GPR89B: variants seen among roughly 807,000 people sequenced by gnomAD.
GPR89B encodes the protein G protein-coupled receptor 89B.
GPR89B carries 25 observed loss-of-function variants against 52.4 expected under a neutral mutation model. The observed-to-expected ratio is 0.48, with a 90% confidence interval of 0.35 to 0.67. GPR89B has a LOEUF of 0.67. Among genes scored for constraint, GPR89B ranks in the 30% least tolerant of loss-of-function variants. The pLI is 0.01. For synonymous variants in GPR89B, 52 were observed against 151.2 expected (o/e 0.34, Z 4.81); for missense variants, 146 against 450.2 (o/e 0.32, Z 6.11).
At chr1:147,944,831 A>G (rs1442861941) in intron 5 of GPR89B, among the ~76,000 whole-genome samples, 1 of 149,278 alleles carries the variant, frequency 6.7e-6, no homozygotes, top group Admixed American at 6.7e-5. Flanking sequence ...GAATCTATCT[A>G]AAAAGATTAG....
the GPR89B span, chr1:148,025,755 ATC>A: frequency 7.1e-6 from 1 of 140,718 alleles, no homozygotes; most frequent in African/African-American, 2.8e-5. Context: ...GCATCAAAGA[ATC>A]TCTCTCTTTC....
At chr1:147,951,367 A>G (rs1346166595) in intron 5 of GPR89B, among the ~76,000 whole-genome samples, 9 of 152,160 alleles carry the variant, frequency 5.9e-5, no homozygotes, top group Admixed American at 5.2e-4. Context: ...TACTAGTGAA[A>G]GTAATTTCAT....
At chr1:148,025,523 CAAAAAAAAAAA>C in the GPR89B span, among the ~76,000 whole-genome samples, 280 of 29,656 alleles carry the variant, frequency 9.4e-3, 2 homozygotes, top group South Asian at 0.04. Flanking sequence ...AACTCTGTCT[CAAAAAAAAAAA>C]AAAAAAAAAA....
At chr1:148,006,452 C>A in the GPR89B span, among the ~76,000 whole-genome samples, 3 of 152,026 alleles carry the variant, frequency 2.0e-5, no homozygotes, top group African/African-American at 7.3e-5. Flanking sequence ...GCTGTCAATT[C>A]TTCAAAGATA....
At chr1:148,013,876 G>C in the GPR89B span, among the ~76,000 whole-genome samples, 3 of 152,020 alleles carry the variant, frequency 2.0e-5, no homozygotes, top group East Asian at 5.8e-4. Context: ...GGAGGAGGCC[G>C]GTTGAGATAT....
chr1:147,932,967 G>A (rs1385058983), intron 1 of GPR89B, among the ~76,000 whole-genome samples: 1 of 152,032 alleles, frequency 6.6e-6, no homozygotes, highest in Non-Finnish European at 1.5e-5. Context: ...ATCTTTCTCT[G>A]TGAAAATAGG....
intron 3 of GPR89B, among the ~76,000 whole-genome samples, chr1:147,943,204 A>G (rs1261957318): frequency 2.0e-5 from 3 of 151,568 alleles, no homozygotes; most frequent in African/African-American, 7.3e-5. Context: ...AAACATAAAC[A>G]TTCTTATTTT....
rs782255961 is a variant in GPR89B at position 147,928,535 on chromosome 1, C to T, written c.-2C>T. The T allele has an allele frequency of 2.5e-6, 4 of 1,613,792 alleles. No homozygotes were observed. The South Asian group carries it at 4.4e-5, about 18-fold the overall frequency. ...AGGCAGGAGCCTTCCTTACACTTCG[C>T]CATGAGTTTCCTGATCGACTCCAGC... On this transcript the variant is annotated 5_prime_UTR_variant, in exon 1 of 14. Coordinates refer to ENST00000314163, the MANE Select transcript of GPR89B (RefSeq NM_016334.5).
intron 10 of GPR89B, among the ~76,000 whole-genome samples, chr1:147,984,324 T>G (rs1289647210): frequency 6.6e-6 from 1 of 150,684 alleles, no homozygotes; most frequent in Admixed American, 6.6e-5. Flanking sequence ...ACTTAAAGTA[T>G]AATAATAATA....
the GPR89B span, chr1:148,009,494 T>C: frequency 6.3e-7 from 1 of 1,598,112 alleles, no homozygotes; most frequent in South Asian, 1.1e-5. Context: ...GACCCAACTC[T>C]TTCAAGTCCA....
intron 1 of GPR89B, among the ~76,000 whole-genome samples, chr1:147,930,141 A>C (rs1218392365): frequency 6.6e-6 from 1 of 152,240 alleles, no homozygotes; most frequent in Non-Finnish European, 1.5e-5. Context: ...ATGCCTTATA[A>C]TCATAGACTT....
intron 5 of GPR89B, among the ~76,000 whole-genome samples, chr1:147,949,984 C>A (rs1406095077): frequency 6.9e-6 from 1 of 145,044 alleles, no homozygotes; most frequent in Non-Finnish European, 1.5e-5. Flanking sequence ...CTGACCCCCC[C>A]ACCTCCCTCC....
intron 1 of GPR89B, among the ~76,000 whole-genome samples, chr1:147,931,553 C>G (rs587629574): frequency 6.6e-6 from 1 of 151,204 alleles, no homozygotes; most frequent in South Asian, 2.1e-4. Flanking sequence ...ATGAATTCTC[C>G]AGCTACTTGT....
chr1:147,962,909 T>A (rs1571279495), intron 7 of GPR89B, among the ~76,000 whole-genome samples: 12 of 136,916 alleles, frequency 8.8e-5, no homozygotes, highest in African/African-American at 8.2e-5. Flanking sequence ...AAAAAAAAAA[T>A]TAAAACAGAT....
intron 1 of GPR89B, among the ~76,000 whole-genome samples, chr1:147,934,536 G>T (rs1653921638): frequency 6.6e-6 from 1 of 152,120 alleles, no homozygotes; most frequent in South Asian, 2.1e-4. Flanking sequence ...CTTTGACTGT[G>T]TGATGAATAC....
At chr1:147,991,374 TAC>T (rs1659056389) in intron 12 of GPR89B, among the ~76,000 whole-genome samples, 1 of 152,194 alleles carries the variant, frequency 6.6e-6, no homozygotes, top group Non-Finnish European at 1.5e-5. Flanking sequence ...TTTCTATATA[TAC>T]AGTCATGTCT....
downstream of GPR89B, chr1:147,994,270 A>G (rs1659258873): frequency 2.5e-6 from 4 of 1,597,918 alleles, no homozygotes; most frequent in Non-Finnish European, 1.7e-6. Context: ...ACAGCTATCA[A>G]ATAAACAGCC....
chr1:147,974,542 A>AG (rs1657700312), intron 10 of GPR89B, among the ~76,000 whole-genome samples: 1 of 151,672 alleles, frequency 6.6e-6, no homozygotes, highest in African/African-American at 2.4e-5. Flanking sequence ...ACTTTGCTGA[A>AG]GTTGCTTATC....
At chr1:147,989,554 T>G (rs1658905228) in intron 12 of GPR89B, among the ~76,000 whole-genome samples, 1 of 152,048 alleles carries the variant, frequency 6.6e-6, no homozygotes, top group Non-Finnish European at 1.5e-5. Flanking sequence ...TTACATTAGG[T>G]ATATCTCCTA....
Sources: allele counts gnomAD v4.1 joint callset (sites outside exome capture counted in the v4.1 genomes callset), GRCh38; gene constraint gnomAD v4.1.1; transcripts MANE v1.5; gene names NCBI Gene and HGNC (gene_info 2026-07-23, HGNC 2026-07-21).